CDK14: variants seen among roughly 807,000 people sequenced by gnomAD.
CDK14 encodes the protein cyclin-dependent kinase 14.
CDK14 carries 34 observed loss-of-function variants against 60.7 expected under a neutral mutation model. The ratio of observed to expected loss-of-function variants is 0.56; its 90% CI spans 0.43 to 0.75. CDK14 has a LOEUF of 0.75. Among genes scored for constraint, CDK14 ranks in the 30% least tolerant of loss-of-function variants. The pLI, the probability that CDK14 is intolerant of heterozygous loss-of-function variation, is 0.00. For synonymous variants in CDK14, 197 were observed against 203.7 expected (o/e 0.97, Z 0.28); for missense variants, 482 against 564.1 (o/e 0.85, Z 1.47).
At chr7:91,125,013 A>G (rs1337370621) in intron 14 of CDK14, among the ~76,000 whole-genome samples, 4 of 152,092 alleles carry the variant, frequency 2.6e-5, no homozygotes. Flanking sequence ...GTCTGCTGAT[A>G]CTCTAAGAAG....
chr7:91,075,734 A>C (rs1798284814), intron 11 of CDK14, among the ~76,000 whole-genome samples: 1 of 152,238 alleles, frequency 6.6e-6, no homozygotes, highest in Non-Finnish European at 1.5e-5. Context: ...GTATCAGCCC[A>C]AAAACTTCTT....
chr7:91,068,843 G>T (rs1180532081), intron 11 of CDK14, among the ~76,000 whole-genome samples: 1 of 126,178 alleles, frequency 7.9e-6, no homozygotes, highest in Non-Finnish European at 1.6e-5. Flanking sequence ...GCCCATACCA[G>T]ATCATATCTT....
At chr7:90,685,649 A>ATTTTTTTTTT (rs66912750) in intron 2 of CDK14, among the ~76,000 whole-genome samples, 1 of 101,690 alleles carries the variant, frequency 9.8e-6, no homozygotes, top group African/African-American at 3.8e-5. Flanking sequence ...CAGCCAATTA[A>ATTTTTTTTTT]TTTTTTTTTT....
chr7:91,175,127 G>A (rs1323172060), intron 14 of CDK14, among the ~76,000 whole-genome samples: 3 of 149,218 alleles, frequency 2.0e-5, no homozygotes, highest in African/African-American at 7.4e-5. Context: ...AACCCTACAA[G>A]CCAGAAGAGA....
At chr7:90,782,571 T>C (rs900610723) in intron 4 of CDK14, among the ~76,000 whole-genome samples, 137 of 152,294 alleles carry the variant, frequency 9.0e-4, no homozygotes, top group Middle Eastern at 6.8e-3. Context: ...TGTACTTAGA[T>C]GTTCTGTGTC....
At chr7:90,811,348 G>C (rs1376748529) in intron 5 of CDK14, among the ~76,000 whole-genome samples, 8 of 151,778 alleles carry the variant, frequency 5.3e-5, no homozygotes, top group East Asian at 1.9e-4. Flanking sequence ...ACAAACCTGA[G>C]AAAAACAAGC....
At chr7:91,010,649 A>G (rs1250823948) in intron 10 of CDK14, among the ~76,000 whole-genome samples, 2 of 151,992 alleles carry the variant, frequency 1.3e-5, no homozygotes, top group Non-Finnish European at 2.9e-5. Context: ...GGTAGATTAC[A>G]TAGATATTCT....
intron 9 of CDK14, among the ~76,000 whole-genome samples, chr7:90,966,009 A>G (rs147104537): frequency 3.9e-5 from 6 of 152,028 alleles, no homozygotes; most frequent in South Asian, 4.2e-4. Context: ...ATCTTTTTCT[A>G]TTGGTGCTGG....
At position 90,964,101 on chromosome 7, in the gene CDK14, A is replaced by T. The variant is rs763643157; in HGVS notation, c.947+8284A>T. On this transcript the variant is annotated intron_variant, in intron 9 of 14. Coordinates refer to ENST00000380050, the MANE Select transcript of CDK14 (RefSeq NM_001287135.2). ...ACTACAAAGATCAGTAACAAGCGTC[A>T]TGGCAGTCTGACATTGGGCAGGCAG... 5.4e-4 allele frequency among the ~76,000 whole-genome samples: 83 copies of T among 152,330 alleles called. No homozygotes were observed. In the Middle Eastern group the frequency reaches 0.01, roughly 19 times the overall value.
chr7:90,814,757 C>T (rs1459753522), intron 5 of CDK14, among the ~76,000 whole-genome samples: 1 of 152,196 alleles, frequency 6.6e-6, no homozygotes, highest in Non-Finnish European at 1.5e-5. Context: ...GCCTGGGCGA[C>T]AGAGCAAGAT....
intron 2 of CDK14, among the ~76,000 whole-genome samples, chr7:90,654,403 A>G (rs1371084249): frequency 6.6e-6 from 1 of 152,206 alleles, no homozygotes; most frequent in Non-Finnish European, 1.5e-5. Context: ...TCTTTCTACC[A>G]TGTATATTAA....
intron 12 of CDK14, among the ~76,000 whole-genome samples, chr7:91,090,179 C>T (rs1798759334): frequency 6.6e-6 from 1 of 152,148 alleles, no homozygotes; most frequent in African/African-American, 2.4e-5. Context: ...GATCAGGACC[C>T]CTTCTCTGTT....
chr7:90,771,176 G>A (rs772650115), intron 4 of CDK14, among the ~76,000 whole-genome samples: 24 of 152,102 alleles, frequency 1.6e-4, no homozygotes, highest in Non-Finnish European at 2.8e-4. Context: ...CTTTCCCCAT[G>A]CAATTGTCTT....
chr7:90,955,749 T>A lies in CDK14; in HGVS notation c.879T>A (p.Val293=), dbSNP rs1219711834. ...VPSHTYSNEV[V]TLWYRPPDVL... is the part of the protein sequence containing the mutation. ...GCCACACATACTCCAACGAAGTGGT[T>A]ACCTTGTGGTACAGACCTCCAGATG... The change falls in exon 9 of 15, where the codon GTT becomes GTA. Residue 293 remains valine, a synonymous_variant. Transcript: ENST00000380050. 5.6e-6 allele frequency: 9 copies of A among 1,612,464 alleles called. No homozygotes were observed. Among genetic ancestry groups the A allele is most frequent in the Non-Finnish European group, 7.6e-6 (9 of 1,178,672 alleles).
intron 14 of CDK14, among the ~76,000 whole-genome samples, chr7:91,152,159 G>A (rs563179012): frequency 2.2e-4 from 34 of 152,158 alleles, no homozygotes; most frequent in Non-Finnish European, 3.7e-4. Context: ...CTTGTGAATC[G>A]TGGTATGATC....
At chr7:90,750,080 A>G (rs1463284942) in intron 4 of CDK14, among the ~76,000 whole-genome samples, 2 of 152,010 alleles carry the variant, frequency 1.3e-5, no homozygotes, top group Non-Finnish European at 2.9e-5. Context: ...ATAGAAGCAA[A>G]GCCAAAAGAT....
At chr7:90,788,752 GAGACATTCAAATTCTTTCAA>G (rs1429731805) in intron 4 of CDK14, among the ~76,000 whole-genome samples, 35 of 152,294 alleles carry the variant, frequency 2.3e-4, no homozygotes, top group African/African-American at 8.4e-4. Flanking sequence ...GTTTAAAAAA[GAGACATTCAAATTCTTTCAA>G]ACTCAGACAC....
chr7:90,873,580 A>G (rs1791448492), intron 6 of CDK14, among the ~76,000 whole-genome samples: 2 of 152,190 alleles, frequency 1.3e-5, no homozygotes, highest in Non-Finnish European at 2.9e-5. Context: ...AGGCCACCCT[A>G]TAAATTATTC....
At chr7:91,051,925 A>G (rs1797404268) in intron 11 of CDK14, among the ~76,000 whole-genome samples, 1 of 152,160 alleles carries the variant, frequency 6.6e-6, no homozygotes, top group Admixed American at 6.5e-5. Flanking sequence ...CAGACTTATC[A>G]TTTTTAAAAG....
Sources: gnomAD v4.1 joint callset for allele counts (sites outside exome capture counted in the v4.1 genomes callset) on GRCh38, gnomAD v4.1.1 for gene constraint, MANE v1.5 for transcripts, NCBI Gene and HGNC (gene_info 2026-07-23, HGNC 2026-07-21) for gene names.